CFAP47: variants seen among roughly 807,000 people sequenced by gnomAD.
CFAP47 encodes the protein cilia and flagella associated protein 47, also known as cilia- and flagella-associated protein 47.
In CFAP47, 29 loss-of-function variants were observed where a neutral mutation model predicts 148.1. The observed-to-expected ratio is 0.20, with a 90% confidence interval of 0.15 to 0.27. The LOEUF (loss-of-function observed/expected upper bound fraction) is 0.27. Among genes scored for constraint, CFAP47 ranks in the 10% least tolerant of loss-of-function variants. The pLI is 1.00. For missense variants in CFAP47, 1,872 were observed against 1,697.5 expected, an observed-to-expected ratio of 1.10 and a Z score of -1.81; for synonymous variants, 664 against 577.3, an observed-to-expected ratio of 1.15 and a Z score of -2.15.
intron 26 of CFAP47, among the ~76,000 whole-genome samples, chrX:36,048,158 T>A (rs1937488815): frequency 8.9e-6 from 1 of 112,273 alleles, no homozygotes; most frequent in African/African-American, 3.2e-5. Flanking sequence ...TTGAGATAAA[T>A]GAGGTCTTCC....
chrX:35,983,958 G>A (rs1936680665), intron 15 of CFAP47, among the ~76,000 whole-genome samples: 1 of 111,821 alleles, frequency 8.9e-6, no homozygotes, highest in East Asian at 2.8e-4. Context: ...TTTGGTATTA[G>A]AATGATCCTG....
chrX:35,938,557 G>A (rs1011428386), intron 2 of CFAP47, among the ~76,000 whole-genome samples: 13 of 111,038 alleles, frequency 1.2e-4, no homozygotes, highest in Non-Finnish European at 2.3e-4. Flanking sequence ...GATGAATGGA[G>A]CATTTTAAAC....
chrX:36,267,256 A>T (rs1296705877), intron 49 of CFAP47, among the ~76,000 whole-genome samples: 2 of 111,415 alleles, frequency 1.8e-5, no homozygotes, highest in South Asian at 7.6e-4. Context: ...TGATATGGGC[A>T]TATGGGGGAT....
chrX:35,943,366 C>T (rs981422035), intron 3 of CFAP47, among the ~76,000 whole-genome samples: 2 of 111,357 alleles, frequency 1.8e-5, no homozygotes, highest in Admixed American at 9.6e-5. Context: ...TTAACATTTC[C>T]ACATCTTTGT....
intron 46 of CFAP47, among the ~76,000 whole-genome samples, chrX:36,232,964 A>C (rs1366760541): frequency 1.8e-5 from 2 of 112,093 alleles, no homozygotes; most frequent in African/African-American, 6.5e-5. Context: ...GTTTGATTGC[A>C]CTGTGGTCTG....
In CFAP47 at chrX:35,956,566, A is replaced by G; in HGVS notation, c.1410+370A>G. 1.8e-5 allele frequency among the ~76,000 whole-genome samples: 2 copies of G among 112,379 alleles called. 1 individual carries two copies. Among genetic ancestry groups the G allele is most frequent in the Admixed American group, 1.9e-4 (2 of 10,608 alleles). On this transcript the variant is annotated intron_variant, in intron 8 of 63. Transcript: ENST00000378653. ...ACAGAATGTTTACTTCTAACCAGAT[A>G]GAAAGGTCTCCATAGGAGAGTAATG...
intron 50 of CFAP47, among the ~76,000 whole-genome samples, 153 bp downstream of exon 50, chrX:36,280,783 A>T (rs782054851): frequency 2.7e-5 from 3 of 112,271 alleles, no homozygotes; most frequent in African/African-American, 9.7e-5. Flanking sequence ...TATTAACTAT[A>T]TGTAGCATAT....
rs188904033 is a variant in CFAP47 at position 36,080,371 on chromosome X, G to T, written c.4692-4943G>T. Among the ~76,000 whole-genome samples, 714 of 111,576 alleles carry T rather than the reference G, an allele frequency of 6.4e-3. 4 individuals are homozygous for T. The highest frequency in any genetic ancestry group is 0.011 in the Non-Finnish European group (577 of 53,129). ...TCAACCATTAGTGGAAGACAGTGTG[G>T]CAATTCCTCAAGGATCTAGAACTAG... On this transcript the variant is annotated intron_variant, in intron 29 of 63. Coordinates refer to ENST00000378653, the MANE Select transcript of CFAP47 (RefSeq NM_001304548.2).
intron 45 of CFAP47, among the ~76,000 whole-genome samples, chrX:36,226,949 G>A (rs1054910989): frequency 5.4e-5 from 6 of 110,663 alleles, no homozygotes; most frequent in African/African-American, 1.3e-4. Context: ...TAAAATAAAC[G>A]TAAATTAATA....
chrX:36,226,647 T>G (rs1555991582), intron 45 of CFAP47, among the ~76,000 whole-genome samples: 1 of 111,813 alleles, frequency 8.9e-6, no homozygotes, highest in Non-Finnish European at 1.9e-5. Flanking sequence ...AGAGAGGGGC[T>G]GACATTGTGT....
intron 32 of CFAP47, 86 bp downstream of exon 32, chrX:36,099,965 A>C: frequency 2.0e-6 from 1 of 505,816 alleles, no homozygotes; most frequent in Admixed American, 3.4e-5. Flanking sequence ...CTGCTATGAA[A>C]GATTCAAAAA....
chrX:36,077,579 T>C (rs745905975), intron 29 of CFAP47, among the ~76,000 whole-genome samples: 166 of 110,659 alleles, frequency 1.5e-3, no homozygotes, highest in African/African-American at 4.8e-3. Context: ...TGAACATTAT[T>C]GGTGTATAGA....
intron 33 of CFAP47, among the ~76,000 whole-genome samples, chrX:36,129,527 A>G (rs958457733): frequency 9.0e-6 from 1 of 111,358 alleles, no homozygotes; most frequent in East Asian, 2.9e-4. Context: ...TCATAACTCA[A>G]CTACCTTTAC....
At chrX:36,093,709 C>G (rs1601973631) in intron 30 of CFAP47, among the ~76,000 whole-genome samples, 1 of 107,062 alleles carries the variant, frequency 9.3e-6, no homozygotes, top group Non-Finnish European at 1.9e-5. Context: ...TAAAAAGAAA[C>G]AAATATTATG....
At chrX:36,306,516 T>C (rs1941350292) in intron 54 of CFAP47, among the ~76,000 whole-genome samples, 1 of 111,117 alleles carries the variant, frequency 9.0e-6, no homozygotes, top group Non-Finnish European at 1.9e-5. Flanking sequence ...TAACCCTGAC[T>C]TCCTTGTACA....
chrX:36,163,810 A>G (rs1939458418), intron 39 of CFAP47, among the ~76,000 whole-genome samples: 1 of 111,136 alleles, frequency 9.0e-6, no homozygotes, highest in African/African-American at 3.3e-5. Context: ...AGGTGTCACC[A>G]TATTGGCCAG....
rs1452273086 is a variant in CFAP47, at chrX:36,093,794, C to A, written c.4917-4999C>A. ...CGCCTTATATATTCTGGTTATCAAC[C>A]CTTGACAGATGGGTAGTATGCAAAT... On this transcript the variant is annotated intron_variant, in intron 30 of 63. Coordinates refer to ENST00000378653, the MANE Select transcript of CFAP47 (RefSeq NM_001304548.2). Among the ~76,000 whole-genome samples, 7 of 110,787 alleles carry A rather than the reference C, an allele frequency of 6.3e-5. No homozygotes were observed. In the Admixed American group the frequency reaches 6.7e-4, roughly 11 times the overall value.
At chrX:36,125,748 A>G (rs1431304986) in intron 33 of CFAP47, among the ~76,000 whole-genome samples, 2 of 111,486 alleles carry the variant, frequency 1.8e-5, no homozygotes, top group Admixed American at 1.9e-4. Flanking sequence ...GAAAGTTAAG[A>G]ACTATGAGAG....
chrX:36,376,067 C>G (rs1325599592), intron 62 of CFAP47, among the ~76,000 whole-genome samples: 1 of 111,832 alleles, frequency 8.9e-6, no homozygotes, highest in African/African-American at 3.3e-5. Context: ...ACTATGGACA[C>G]TTCTGTGGAG....
Sources: allele counts gnomAD v4.1 joint callset (sites outside exome capture counted in the v4.1 genomes callset), GRCh38; gene constraint gnomAD v4.1.1; transcripts MANE v1.5; gene names NCBI Gene and HGNC (gene_info 2026-07-23, HGNC 2026-07-21).